The following TENM2 variants were observed in gnomAD, a reference collection of about 807,000 sequenced individuals.
The protein encoded by TENM2 is teneurin-2.
In TENM2, 52 loss-of-function variants were observed where a neutral mutation model predicts 245.2. The observed-to-expected ratio is 0.21, with a 90% confidence interval of 0.17 to 0.27. The LOEUF is 0.27. TENM2 is among the 10% of genes least tolerant of loss of function. The pLI, the probability that TENM2 is intolerant of heterozygous loss-of-function variation, is 1.00. For synonymous variants in TENM2, 1,363 were observed against 1,438.9 expected, an observed-to-expected ratio of 0.95 and a Z score of 1.19; for missense variants, 3,046 against 3,666.8, an observed-to-expected ratio of 0.83 and a Z score of 4.37.
At chr5:167,266,429 T>G in the TENM2 span, among the ~76,000 whole-genome samples, 1 of 152,126 alleles carries the variant, frequency 6.6e-6, no homozygotes, top group Non-Finnish European at 1.5e-5. Context: ...GTACATAGAG[T>G]GCTTTTTAAA....
At chr5:167,059,564 CA>C in the TENM2 span, among the ~76,000 whole-genome samples, 1 of 151,386 alleles carries the variant, frequency 6.6e-6, no homozygotes, top group African/African-American at 2.4e-5. Context: ...CGTTACTCCC[CA>C]AAGGCATTCA....
chr5:167,536,514 A>T (rs77364676), intron 2 of TENM2, among the ~76,000 whole-genome samples: 1,917 of 151,950 alleles, frequency 0.013, 49 homozygotes, highest in African/African-American at 0.044. Context: ...GGTGGGCAAT[A>T]AAAAAAACAG....
chr5:167,049,008 A>G, the TENM2 span, among the ~76,000 whole-genome samples: 1 of 152,144 alleles, frequency 6.6e-6, no homozygotes, highest in South Asian at 2.1e-4. Flanking sequence ...TTGTTGTTTG[A>G]GAACCACAAT....
chr5:168,096,203 C>T (rs1170830963), intron 8 of TENM2, among the ~76,000 whole-genome samples: 1 of 152,200 alleles, frequency 6.6e-6, no homozygotes, highest in Non-Finnish European at 1.5e-5. Context: ...CAGTCAATGC[C>T]TGTGCTCTCA....
intron 2 of TENM2, among the ~76,000 whole-genome samples, chr5:167,640,842 C>CATATATATATATATCCATATATATATAT (rs1561628529): frequency 1.3e-5 from 1 of 75,492 alleles, no homozygotes; most frequent in East Asian, 3.2e-4. Context: ...TATATATATC[C>CATATATATATATATCCATATATATATAT]ATATATATAT....
the TENM2 span, among the ~76,000 whole-genome samples, chr5:167,079,047 T>G: frequency 6.6e-6 from 1 of 152,074 alleles, no homozygotes; most frequent in African/African-American, 2.4e-5. Context: ...TTGTTACACC[T>G]CAGCTGGAGC....
intron 1 of TENM2, among the ~76,000 whole-genome samples, chr5:167,296,083 G>A (rs1336384779): frequency 6.6e-6 from 1 of 151,932 alleles, no homozygotes; most frequent in Non-Finnish European, 1.5e-5. Flanking sequence ...GAATGAGGGG[G>A]GAAAAGAAAA....
chr5:167,117,774 T>G, the TENM2 span, among the ~76,000 whole-genome samples: 1 of 152,064 alleles, frequency 6.6e-6, no homozygotes, highest in Admixed American at 6.5e-5. Context: ...TATAGGATGT[T>G]TGGCAGCATT....
intron 25 of TENM2, among the ~76,000 whole-genome samples, chr5:168,239,316 T>C (rs972076285): frequency 6.6e-6 from 1 of 152,210 alleles, no homozygotes; most frequent in Non-Finnish European, 1.5e-5. Flanking sequence ...GGCATTTTAA[T>C]AGAAATTTTC....
chr5:167,495,759 A>C (rs1768774180), intron 2 of TENM2, among the ~76,000 whole-genome samples: 1 of 152,122 alleles, frequency 6.6e-6, no homozygotes, highest in Non-Finnish European at 1.5e-5. Flanking sequence ...TAAAAACAAA[A>C]GAAAACAAAA....
chr5:167,766,556 A>C (rs1763033113), intron 2 of TENM2, among the ~76,000 whole-genome samples: 1 of 152,204 alleles, frequency 6.6e-6, no homozygotes, highest in African/African-American at 2.4e-5. Context: ...AAAAATAGGA[A>C]ATAAGTGTTT....
intron 25 of TENM2, chr5:168,232,378 A>G (rs1765015409): frequency 6.6e-6 from 1 of 152,164 alleles, no homozygotes; most frequent in Non-Finnish European, 1.5e-5. Context: ...GGGCTCTGTA[A>G]AAGAGAGTGG....
exon 22 of TENM2, chr5:168,216,768 G>T (rs777464450): frequency 6.2e-7 from 1 of 1,613,638 alleles, no homozygotes; most frequent in East Asian, 2.2e-5. Flanking sequence ...TCTTGCTCAG[G>T]TATTGCAGTA....
At chr5:167,323,864 G>A (rs1262240378) in intron 1 of TENM2, among the ~76,000 whole-genome samples, 2 of 152,170 alleles carry the variant, frequency 1.3e-5, no homozygotes, top group Non-Finnish European at 2.9e-5. Context: ...TCAGAGAAAT[G>A]TACGAAGTCA....
chr5:167,771,136 T>A (rs1763377657), intron 2 of TENM2, among the ~76,000 whole-genome samples: 1 of 149,846 alleles, frequency 6.7e-6, no homozygotes, highest in African/African-American at 2.4e-5. Flanking sequence ...AATCGGTCAC[T>A]CTCTCTCTCT....
At chr5:167,717,475 A>G (rs552769146) in intron 2 of TENM2, among the ~76,000 whole-genome samples, 28 of 152,332 alleles carry the variant, frequency 1.8e-4, no homozygotes, top group African/African-American at 6.3e-4. Flanking sequence ...TTCGATGGAC[A>G]TAGGCACCTC....
At chr5:167,059,178 A>C in the TENM2 span, among the ~76,000 whole-genome samples, 1 of 152,240 alleles carries the variant, frequency 6.6e-6, no homozygotes, top group Non-Finnish European at 1.5e-5. Flanking sequence ...CACTGTCATT[A>C]AAACATACAA....
At chr5:167,813,072 G>A (rs1240687057) in intron 2 of TENM2, among the ~76,000 whole-genome samples, 1 of 152,134 alleles carries the variant, frequency 6.6e-6, no homozygotes, top group Non-Finnish European at 1.5e-5. Context: ...GCAGCTGCTG[G>A]AAATACAAAG....
rs369050024 is a variant in TENM2, at chr5:168,218,349, G to C, written c.4458G>C (p.Gly1486=). ...GTGCCATTGCCATTTCTCACACTGG[G>C]GTCCTCTACATCACTGAGACAGATG... Residue 1486 remains glycine, a synonymous_variant, in exon 23 of 29, where the codon GGG becomes GGC. Coordinates refer to ENST00000518659, the Ensembl canonical transcript of TENM2. The surrounding 1 kb of genome is among the most constrained non-coding windows in gnomAD (Gnocchi z 5.2). The C allele has an allele frequency of 6.2e-7, 1 of 1,613,878 alleles. No individual in the cohort carries two copies. Among genetic ancestry groups the C allele is most frequent in the Non-Finnish European group, 8.5e-7 (1 of 1,179,904 alleles).
Sources: gnomAD v4.1 joint callset for allele counts (sites outside exome capture counted in the v4.1 genomes callset) on GRCh38, gnomAD v4.1.1 for gene constraint, Gnocchi (gnomAD v3.1) non-coding constraint, MANE v1.5 for transcripts, NCBI Gene and HGNC (gene_info 2026-07-23, HGNC 2026-07-21) for gene names.